Variants in CNTNAP2 observed in about 807,000 individuals in gnomAD.
The protein encoded by CNTNAP2 is contactin-associated protein-like 2.
CNTNAP2 carries 98 observed loss-of-function variants against 155.2 expected under a neutral mutation model. The observed-to-expected ratio is 0.63, with a 90% CI of 0.54 to 0.75. The LOEUF is 0.75. Ranked by LOEUF, CNTNAP2 falls within the 30% of genes least tolerant of loss-of-function variation. CNTNAP2 has a pLI of 0.00. For missense variants in CNTNAP2, 1,727 were observed against 1,688.1 expected (o/e 1.02, Z -0.40); for synonymous variants, 651 against 631.2 (o/e 1.03, Z -0.47).
intron 10 of CNTNAP2, among the ~76,000 whole-genome samples, chr7:147,446,937 A>T (rs1471570090): frequency 6.6e-6 from 1 of 152,200 alleles, no homozygotes; most frequent in Non-Finnish European, 1.5e-5. Context: ...TGGTTTATGG[A>T]TGAAGAGATG....
intron 2 of CNTNAP2, among the ~76,000 whole-genome samples, chr7:146,792,145 G>A (rs576996927): frequency 6.6e-6 from 1 of 152,008 alleles, no homozygotes; most frequent in African/African-American, 2.4e-5. Context: ...ACCTCAATTA[G>A]ACATTCATTA....
chr7:146,684,403 C>T (rs576148372), intron 1 of CNTNAP2, among the ~76,000 whole-genome samples: 8 of 152,112 alleles, frequency 5.3e-5, no homozygotes, highest in African/African-American at 1.9e-4. Flanking sequence ...TAATTATACA[C>T]AAGCAAATGG....
chr7:147,764,452 G>A (rs778757243), intron 13 of CNTNAP2, among the ~76,000 whole-genome samples: 13 of 152,074 alleles, frequency 8.5e-5, no homozygotes, highest in Non-Finnish European at 1.5e-4. Context: ...TATCTTCTCT[G>A]TTATCACCTG....
intron 1 of CNTNAP2, among the ~76,000 whole-genome samples, chr7:146,591,647 ACTAT>A (rs1798785214): frequency 6.6e-6 from 1 of 152,192 alleles, no homozygotes; most frequent in Admixed American, 6.6e-5. Flanking sequence ...ATGCAATGTC[ACTAT>A]CTATTTTATT....
chr7:147,888,114 G>A (rs1328862841), intron 13 of CNTNAP2, among the ~76,000 whole-genome samples: 1 of 152,080 alleles, frequency 6.6e-6, no homozygotes, highest in Non-Finnish European at 1.5e-5. Context: ...CCAAATGTAT[G>A]GGGAAACAAG....
chr7:146,255,584 C>A (rs567520973), intron 1 of CNTNAP2, among the ~76,000 whole-genome samples: 1 of 151,994 alleles, frequency 6.6e-6, no homozygotes, highest in East Asian at 1.9e-4. Context: ...GAAAAGCATG[C>A]AGAGAGTTAA....
intron 8 of CNTNAP2, among the ~76,000 whole-genome samples, chr7:147,235,345 G>GGTGTGTGTGTGTGT (rs60072934): frequency 0.018 from 2,518 of 140,932 alleles, 35 homozygotes; most frequent in Middle Eastern, 0.039. Context: ...TGGAGTTTTT[G>GGTGTGTGTGTGTGT]GTGTGTGTGT....
intron 20 of CNTNAP2, among the ~76,000 whole-genome samples, chr7:148,262,058 C>T (rs1222768072): frequency 2.6e-5 from 4 of 152,092 alleles, no homozygotes; most frequent in African/African-American, 7.2e-5. Flanking sequence ...TGATAATTGA[C>T]GCAAAGGGAC....
intron 4 of CNTNAP2, among the ~76,000 whole-genome samples, chr7:147,090,793 C>T (rs1291885692): frequency 2.0e-5 from 3 of 152,042 alleles, no homozygotes; most frequent in Admixed American, 1.3e-4. Context: ...AATTTTGATA[C>T]TTTTCTTACA....
chr7:147,753,177 C>A (rs115908821), intron 13 of CNTNAP2, among the ~76,000 whole-genome samples: 226 of 152,236 alleles, frequency 1.5e-3, no homozygotes, highest in African/African-American at 5.2e-3. Flanking sequence ...GAATGTAAAG[C>A]TGATTACCCA....
intron 1 of CNTNAP2, among the ~76,000 whole-genome samples, chr7:146,693,835 G>A (rs1585045475): frequency 6.6e-6 from 1 of 151,896 alleles, no homozygotes; most frequent in East Asian, 1.9e-4. Context: ...CAACACCTAG[G>A]TATTAAGCAT....
chr7:148,273,977 T>C (rs1796827907), intron 21 of CNTNAP2, among the ~76,000 whole-genome samples: 1 of 152,220 alleles, frequency 6.6e-6, no homozygotes, highest in South Asian at 2.1e-4. Flanking sequence ...GGAACTGACA[T>C]ACTTAGATCT....
chr7:147,243,380 T>C (rs2116642927), intron 8 of CNTNAP2, among the ~76,000 whole-genome samples: 1 of 152,286 alleles, frequency 6.6e-6, no homozygotes, highest in African/African-American at 2.4e-5. Flanking sequence ...TGTCAGATAG[T>C]CTGGACTTAC....
chr7:147,132,965 G>A (rs1801407143), intron 8 of CNTNAP2, among the ~76,000 whole-genome samples: 1 of 152,040 alleles, frequency 6.6e-6, no homozygotes, highest in South Asian at 2.1e-4. Flanking sequence ...ACTTCAAAAT[G>A]ATCTTGCTAA....
At chr7:147,688,070 G>T (rs1021013571) in intron 13 of CNTNAP2, among the ~76,000 whole-genome samples, 7 of 152,096 alleles carry the variant, frequency 4.6e-5, no homozygotes, top group African/African-American at 1.7e-4. Context: ...CAATCATGAT[G>T]CGGAAGAGGG....
At chr7:147,616,950 C>A (rs1006935204) in intron 12 of CNTNAP2, among the ~76,000 whole-genome samples, 17 of 152,138 alleles carry the variant, frequency 1.1e-4, no homozygotes, top group Non-Finnish European at 2.9e-5. Context: ...TTTATCTCCA[C>A]AAGTTTTCTA....
intron 14 of CNTNAP2, among the ~76,000 whole-genome samples, chr7:147,907,045 G>A (rs1044989478): frequency 3.9e-5 from 6 of 151,954 alleles, no homozygotes; most frequent in Non-Finnish European, 8.8e-5. Flanking sequence ...TGAGCAAACT[G>A]AAAAGTATAA....
chr7:146,320,784 A>C (rs1431892097), intron 1 of CNTNAP2, among the ~76,000 whole-genome samples: 10 of 152,262 alleles, frequency 6.6e-5, no homozygotes, highest in African/African-American at 2.4e-4. Flanking sequence ...TCAAACATTA[A>C]AGTTAAAAAA....
intron 21 of CNTNAP2, among the ~76,000 whole-genome samples, chr7:148,297,593 TA>T (rs538699667): frequency 1.3e-5 from 2 of 152,006 alleles, no homozygotes; most frequent in East Asian, 1.9e-4. Context: ...TGGGGAGAGT[TA>T]AAAAAAGTAG....
Sources: allele counts gnomAD v4.1 joint callset (sites outside exome capture counted in the v4.1 genomes callset), GRCh38; gene constraint gnomAD v4.1.1; transcripts MANE v1.5; gene names NCBI Gene and HGNC (gene_info 2026-07-23, HGNC 2026-07-21).